XRCC4: variants seen among roughly 807,000 people sequenced by gnomAD.
The protein encoded by XRCC4 is X-ray repair cross complementing 4.
Under a neutral mutation model 39.1 loss-of-function variants are expected in XRCC4, and 28 were observed. The ratio of observed to expected loss-of-function variants is 0.72; its 90% CI spans 0.53 to 0.98. XRCC4 has a LOEUF of 0.98. XRCC4 is among the 50% of genes least tolerant of loss of function. The probability of loss-of-function intolerance (pLI) is 0.00; values close to 1 mark genes in which losing one functional copy is unlikely to be tolerated. For missense variants in XRCC4, 350 were observed against 376.4 expected, an observed-to-expected ratio of 0.93 and a Z score of 0.58; for synonymous variants, 123 against 126.4, an observed-to-expected ratio of 0.97 and a Z score of 0.18.
intron 3 of XRCC4, among the ~76,000 whole-genome samples, chr5:83,141,483 TTTTAA>T (rs1436388347): frequency 2.0e-5 from 3 of 152,232 alleles, no homozygotes; most frequent in African/African-American, 7.2e-5. Flanking sequence ...TGTTTTTACT[TTTTAA>T]TTTTCTTTTC....
intron 7 of XRCC4, among the ~76,000 whole-genome samples, chr5:83,293,937 G>GTTTTA (rs940779439): frequency 3.9e-5 from 6 of 151,950 alleles, no homozygotes; most frequent in Non-Finnish European, 7.4e-5. Context: ...TTAAAAGTTG[G>GTTTTA]TTTTATTTTA....
chr5:83,284,596 T>TGG (rs1754671396), intron 7 of XRCC4, among the ~76,000 whole-genome samples: 1 of 152,256 alleles, frequency 6.6e-6, no homozygotes, highest in East Asian at 1.9e-4. Context: ...GTTGTTCATT[T>TGG]ACTCTAGGAT....
At chr5:83,232,861 T>A (rs537542590) in intron 6 of XRCC4, among the ~76,000 whole-genome samples, 2 of 152,254 alleles carry the variant, frequency 1.3e-5, no homozygotes, top group South Asian at 4.1e-4. Flanking sequence ...TGACCACAAT[T>A]AATATTAGGC....
downstream of XRCC4, among the ~76,000 whole-genome samples, chr5:83,357,115 TA>T (rs1757198369): frequency 6.6e-6 from 1 of 152,328 alleles, no homozygotes; most frequent in East Asian, 1.9e-4. Flanking sequence ...AAGGATCAGC[TA>T]TGCACAAAAT....
chr5:83,243,234 A>G (rs1166180714), intron 6 of XRCC4, among the ~76,000 whole-genome samples: 2 of 152,208 alleles, frequency 1.3e-5, no homozygotes, highest in Non-Finnish European at 2.9e-5. Flanking sequence ...TGAACACTTC[A>G]GGAAAGATGA....
intron 7 of XRCC4, among the ~76,000 whole-genome samples, chr5:83,343,932 G>A (rs1198381132): frequency 2.0e-5 from 3 of 152,066 alleles, no homozygotes; most frequent in Non-Finnish European, 4.4e-5. Flanking sequence ...GTCTGAAACT[G>A]AAGTCTTTAT....
chr5:83,156,283 A>ATT (rs35796754), intron 3 of XRCC4, among the ~76,000 whole-genome samples: 73 of 137,342 alleles, frequency 5.3e-4, no homozygotes, highest in East Asian at 2.0e-3. Context: ...TTGCCTAAGT[A>ATT]TTTTTTTTTT....
intron 7 of XRCC4, among the ~76,000 whole-genome samples, chr5:83,318,002 C>G (rs1368900697): frequency 1.6e-5 from 2 of 122,940 alleles, no homozygotes; most frequent in Non-Finnish European, 3.1e-5. Context: ...AAAGCTTATC[C>G]ACCATGATCA....
chr5:83,207,343 T>C (rs62374402), intron 6 of XRCC4, among the ~76,000 whole-genome samples: 51,218 of 151,668 alleles, frequency 0.34, 9,502 homozygotes, highest in Non-Finnish European at 0.42. Flanking sequence ...ATTTTCAATT[T>C]GGCAAAATTC....
At chr5:83,334,670 T>C (rs1469780877) in intron 7 of XRCC4, among the ~76,000 whole-genome samples, 1 of 146,820 alleles carries the variant, frequency 6.8e-6, no homozygotes, top group Non-Finnish European at 1.5e-5. Context: ...TATGTATGTG[T>C]GTGCATATAT....
chr5:83,172,552 G>C (rs1749777158), intron 3 of XRCC4, among the ~76,000 whole-genome samples: 1 of 152,054 alleles, frequency 6.6e-6, no homozygotes, highest in African/African-American at 2.4e-5. Flanking sequence ...TATTTACTTT[G>C]TTCTGTTAGA....
chr5:83,204,771 G>A (rs553013635), intron 5 of XRCC4, 44 bp from the exon 6 acceptor site: 1 of 1,469,724 alleles, frequency 6.8e-7, no homozygotes, highest in South Asian at 1.2e-5. Context: ...TGCCTAGCAG[G>A]GGGTGAGCCA....
At chr5:83,358,114 G>A (rs549754039), downstream of XRCC4, among the ~76,000 whole-genome samples, 8 of 152,156 alleles carry the variant, frequency 5.3e-5, no homozygotes, top group South Asian at 1.5e-3. Context: ...TCTAATAAAC[G>A]CTTTTCGGGA....
chr5:83,179,186 G>A (rs1008119595), intron 3 of XRCC4, among the ~76,000 whole-genome samples: 4 of 152,124 alleles, frequency 2.6e-5, no homozygotes, highest in African/African-American at 9.7e-5. Context: ...CACATTATCT[G>A]TTATTTCTCT....
chr5:83,240,088 C>A (rs1752846807), intron 6 of XRCC4, among the ~76,000 whole-genome samples: 1 of 152,004 alleles, frequency 6.6e-6, no homozygotes, highest in African/African-American at 2.4e-5. Flanking sequence ...GCAGGAGGAT[C>A]ACTTGAGCCC....
rs186795323 is a variant in XRCC4 at position 83,344,238 on chromosome 5, G to T, written c.894-8893G>T. On this transcript the variant is annotated intron_variant, in intron 7 of 7. Coordinates refer to ENST00000396027, the MANE Select transcript of XRCC4 (RefSeq NM_003401.5). Reference sequence around the variant, plus strand: ...AATAAATATAATCATTTATTTAAATGTGTGTATTTTTTTTAAGAGATGGGG... The same window carrying T: ...AATAAATATAATCATTTATTTAAATTTGTGTATTTTTTTTAAGAGATGGGG... Among the ~76,000 whole-genome samples the T allele has an allele frequency of 2.5e-3, 373 of 151,332 alleles. 2 individuals are homozygous for T. The highest frequency in any genetic ancestry group is 8.7e-3 in the African/African-American group (358 of 41,230).
chr5:83,221,178 TCTA>T (rs1178874656), intron 6 of XRCC4, among the ~76,000 whole-genome samples: 3 of 152,188 alleles, frequency 2.0e-5, no homozygotes, highest in African/African-American at 7.2e-5. Context: ...CACTACTACT[TCTA>T]CTTTTTGAAT....
At chr5:83,197,003 A>G (rs1335515338) in intron 4 of XRCC4, among the ~76,000 whole-genome samples, 2 of 151,734 alleles carry the variant, frequency 1.3e-5, no homozygotes, top group Non-Finnish European at 2.9e-5. Context: ...AATGCAAAAC[A>G]TGTAAAATTA....
chr5:83,139,585 A>G (rs1398298700), intron 3 of XRCC4, among the ~76,000 whole-genome samples: 3 of 152,322 alleles, frequency 2.0e-5, no homozygotes, highest in African/African-American at 7.2e-5. Context: ...ATATGTTCTG[A>G]GAAATCTTCG....
Sources: allele counts gnomAD v4.1 joint callset (sites outside exome capture counted in the v4.1 genomes callset), GRCh38; gene constraint gnomAD v4.1.1; transcripts MANE v1.5; gene names NCBI Gene and HGNC (gene_info 2026-07-23, HGNC 2026-07-21).